FGF12: variants seen among roughly 807,000 people sequenced by gnomAD.
The protein encoded by FGF12 is fibroblast growth factor 12B.
A neutral mutation model predicts 23.6 loss-of-function variants in FGF12; 14 were observed. The ratio of observed to expected loss-of-function variants is 0.59; its 90% CI spans 0.39 to 0.93. The LOEUF (loss-of-function observed/expected upper bound fraction) is 0.93, where lower values mean the gene tolerates loss of function less well. FGF12 is among the 40% of genes least tolerant of loss of function. The pLI is 0.00. For missense variants in FGF12, 175 were observed against 217.8 expected, an observed-to-expected ratio of 0.80 and a Z score of 1.24; for synonymous variants, 62 against 77.3, an observed-to-expected ratio of 0.80 and a Z score of 1.04.
intron 5 of FGF12, among the ~76,000 whole-genome samples, chr3:192,160,869 AG>A (rs1714830841): frequency 6.6e-6 from 1 of 152,132 alleles, no homozygotes; most frequent in African/African-American, 2.4e-5. Context: ...ACTTGGGCTG[AG>A]TTCCCTGAAA....
At chr3:192,216,830 C>G (rs997530705) in intron 4 of FGF12, among the ~76,000 whole-genome samples, 1 of 152,138 alleles carries the variant, frequency 6.6e-6, no homozygotes, top group Non-Finnish European at 1.5e-5. Context: ...GGAGCAAACA[C>G]GGGCTTAAAC....
chr3:192,559,612 T>C (rs563346838), intron 2 of FGF12, among the ~76,000 whole-genome samples: 7 of 151,982 alleles, frequency 4.6e-5, no homozygotes, highest in Admixed American at 2.6e-4. Flanking sequence ...AACCTGCACA[T>C]TGTGCACATG....
rs1369142753 is a variant in FGF12, at chr3:192,671,804, T to TAC, written c.13+55375_13+55376dup. Among the ~76,000 whole-genome samples the TAC allele has an allele frequency of 7.2e-5, 9 of 124,474 alleles. No homozygotes were observed. The East Asian group carries it at 1.5e-3, about 20-fold the overall frequency. The allele number at this position is 124,474 out of a possible 152,430, so 81.7% of individuals were successfully genotyped here. On this transcript the variant is annotated intron_variant, in intron 2 of 5. Transcript: ENST00000445105. Reference sequence around the variant, plus strand: ...ACACACACACACACACACACACACATACACACACACACACTCACAAGAACA... The same window carrying TAC: ...ACACACACACACACACACACACACATACACACACACACACACTCACAAGAACA...
chr3:192,622,411 C>T lies in FGF12; in HGVS notation c.13+104770G>A, dbSNP rs528000231. The stretch of plus-strand genomic sequence containing the variant: ...ATCCTTGGATCAGATATTTCCAATC[C>T]TCACAGTACCCTAAGACACCCAAGA... On this transcript the variant is annotated intron_variant, in intron 2 of 5. Coordinates refer to ENST00000445105, the MANE Select transcript of FGF12 (RefSeq NM_004113.6). Among the ~76,000 whole-genome samples the T allele has an allele frequency of 3.3e-5, 5 of 152,206 alleles. No homozygotes were observed. The East Asian group carries it at 9.7e-4, about 29-fold the overall frequency.
At chr3:192,691,084 TAG>T (rs1577123817) in intron 2 of FGF12, among the ~76,000 whole-genome samples, 1 of 152,034 alleles carries the variant, frequency 6.6e-6, no homozygotes, top group East Asian at 1.9e-4. Context: ...AATACAATAA[TAG>T]AAGTGGGTGT....
intron 4 of FGF12, among the ~76,000 whole-genome samples, chr3:192,227,124 C>T (rs1164209876): frequency 6.6e-6 from 1 of 152,042 alleles, no homozygotes; most frequent in Admixed American, 6.6e-5. Context: ...TTACAAGCCA[C>T]CAAGTTTATG....
chr3:192,661,436 G>C (rs1485586820), intron 2 of FGF12, among the ~76,000 whole-genome samples: 1 of 152,150 alleles, frequency 6.6e-6, no homozygotes, highest in Admixed American at 6.5e-5. Flanking sequence ...TGAGGCAGGA[G>C]AATTGCTTGA....
intron 2 of FGF12, among the ~76,000 whole-genome samples, chr3:192,537,950 C>CTTTT (rs370317111): frequency 8.2e-6 from 1 of 121,374 alleles, no homozygotes; most frequent in Non-Finnish European, 1.8e-5. Flanking sequence ...AGCCTTTAAC[C>CTTTT]TTTTTTTTTT....
intron 2 of FGF12, among the ~76,000 whole-genome samples, chr3:192,552,410 A>G (rs181103248): frequency 1.2e-4 from 18 of 152,350 alleles, no homozygotes; most frequent in African/African-American, 4.3e-4. Context: ...AATTTGTTTT[A>G]AAAATTACCC....
chr3:192,408,724 C>T lies in FGF12; in HGVS notation c.14-48186G>A, dbSNP rs1721072622. The T allele has an allele frequency of 3.0e-6, 3 of 987,016 alleles. No individual in the cohort carries two copies. The highest frequency in any genetic ancestry group is 3.6e-6 in the Non-Finnish European group (3 of 831,172). 61.1% of individuals were successfully genotyped at this position (987,016 alleles called of 1,614,324 possible). A position where few individuals can be genotyped will look rare whatever the true frequency, so the allele number is the denominator to read the frequency against. The stretch of plus-strand genomic sequence containing the variant: ...TTACAAAGCAGAGTCTGGACCCAGG[C>T]GGGTAGCGCGCCCCCGGTAGAAAAT... On this transcript the variant is annotated intron_variant, in intron 2 of 5. Transcript: ENST00000445105. This position sits in a 1 kb window ranked among gnomAD's most constrained non-coding sequence, Gnocchi z 7.3.
At chr3:192,669,223 A>G (rs994988735) in intron 2 of FGF12, among the ~76,000 whole-genome samples, 1 of 152,166 alleles carries the variant, frequency 6.6e-6, no homozygotes, top group Non-Finnish European at 1.5e-5. Flanking sequence ...AAAATAGAAG[A>G]GATGTTATTA....
chr3:192,563,436 C>T lies in FGF12; in HGVS notation c.13+163745G>A, dbSNP rs181505549. 2.1e-3 allele frequency among the ~76,000 whole-genome samples: 323 copies of T among 152,262 alleles called. 1 individual carries two copies. Among genetic ancestry groups the T allele is most frequent in the African/African-American group, 6.6e-3 (276 of 41,564 alleles). On this transcript the variant is annotated intron_variant, in intron 2 of 5. Coordinates refer to ENST00000445105, the MANE Select transcript of FGF12 (RefSeq NM_004113.6). ...CTTGCACACACAATCCCATCCTCCT[C>T]CTAGTTTGTTACCAGCTGCTGCCAA...
intron 4 of FGF12, among the ~76,000 whole-genome samples, chr3:192,270,998 G>A (rs1713401729): frequency 6.6e-6 from 1 of 152,108 alleles, no homozygotes. Context: ...TATATTGGCA[G>A]GCAGCCTCAT....
intron 4 of FGF12, among the ~76,000 whole-genome samples, chr3:192,258,491 T>C (rs1712547547): frequency 6.6e-6 from 1 of 152,018 alleles, no homozygotes; most frequent in Non-Finnish European, 1.5e-5. Flanking sequence ...AAATAAACAA[T>C]AGCAGTTAAA....
chr3:192,335,402 G>A lies in FGF12; in HGVS notation c.187C>T (p.Leu63Phe), dbSNP rs1416073662. 1 of 1,613,076 alleles carries A rather than the reference G, an allele frequency of 6.2e-7. No individual in the cohort carries two copies. Among genetic ancestry groups the A allele is most frequent in the Non-Finnish European group, 8.5e-7 (1 of 1,179,436 alleles). ...CCTTCACCATTCATGGCCACATAGA[G>A]GCTAGCCTTCACTCCTTGGATGGCC... is the stretch of plus-strand genomic sequence containing the variant. Reference protein sequence around the residue: ...VVAIQGVKASLYVAMNGEGYL... With the variant: ...VVAIQGVKASFYVAMNGEGYL... The change falls in exon 4 of 6, where the codon CTC becomes TTC. Residue 63 changes from leucine to phenylalanine, a missense_variant. Physicochemically the swap from Leu to Phe is conservative, Grantham distance 22 (BLOSUM62 0). Transcript: ENST00000445105.
chr3:192,366,509 T>C (rs1718991598), intron 2 of FGF12, among the ~76,000 whole-genome samples: 2 of 152,220 alleles, frequency 1.3e-5, no homozygotes, highest in Admixed American at 1.3e-4. Flanking sequence ...CTGATACTTT[T>C]ACTGTTGTTT....
intron 2 of FGF12, chr3:192,672,921 G>GA (rs1170317190): frequency 6.6e-6 from 1 of 150,678 alleles, no homozygotes; most frequent in African/African-American, 2.4e-5. Flanking sequence ...TGGAAATGGA[G>GA]AAAAAAATAA....
At position 192,444,423 on chromosome 3, in the gene FGF12, T is replaced by TA. The variant is rs1466064891; in HGVS notation, c.14-83886dup. Among the ~76,000 whole-genome samples, 74 of 152,334 alleles carry TA rather than the reference T, an allele frequency of 4.9e-4. No individual in the cohort carries two copies. The Middle Eastern group carries it at 0.014, about 28-fold the overall frequency. ...TGTTTGTTCCTTTTGTCTTTTTTTT[T>TA]ATCTTGCCTTTCTGTGAAACTGTCT... On this transcript the variant is annotated intron_variant, in intron 2 of 5. Transcript: ENST00000445105.
Position 192,408,930 on chromosome 3 carries a change from C to A in FGF12, c.14-48392G>T. ...CTGCGGCTTTCCAGGGGCCGGCCACCCGAGTTCTGGAATTCCGAGAGGCGC... is the reference window on the plus strand; with the variant it reads ...CTGCGGCTTTCCAGGGGCCGGCCACACGAGTTCTGGAATTCCGAGAGGCGC... On this transcript the variant is annotated intron_variant, in intron 2 of 5. Coordinates refer to ENST00000445105, the MANE Select transcript of FGF12 (RefSeq NM_004113.6). This position sits in a 1 kb window ranked among gnomAD's most constrained non-coding sequence, Gnocchi z 7.3. 1.0e-6 allele frequency: 1 copy of A among 985,280 alleles called. No individual in the cohort carries two copies. Among genetic ancestry groups the A allele is most frequent in the Non-Finnish European group, 1.2e-6 (1 of 829,958 alleles). The allele number at this position is 985,280 out of a possible 1,614,324, so 61.0% of individuals were successfully genotyped here. A position where few individuals can be genotyped will look rare whatever the true frequency, so the allele number is the denominator to read the frequency against.
Sources: allele counts gnomAD v4.1 joint callset (sites outside exome capture counted in the v4.1 genomes callset), GRCh38; gene constraint gnomAD v4.1.1; non-coding constraint Gnocchi (gnomAD v3.1); transcripts MANE v1.5; gene names NCBI Gene and HGNC (gene_info 2026-07-23, HGNC 2026-07-21).